Variants in FAM107B observed in about 807,000 individuals in gnomAD.
FAM107B encodes the protein family with sequence similarity 107 member B.
Under a neutral mutation model 31.5 loss-of-function variants are expected in FAM107B, and 21 were observed. The observed-to-expected ratio is 0.67, with a 90% CI of 0.47 to 0.96. FAM107B has a LOEUF of 0.96. Among genes scored for constraint, FAM107B ranks in the 40% least tolerant of loss-of-function variants. The pLI, the probability that FAM107B is intolerant of heterozygous loss-of-function variation, is 0.00. For synonymous variants in FAM107B, 157 were observed against 141.5 expected, an observed-to-expected ratio of 1.11 and a Z score of -0.78; for missense variants, 452 against 377.1, an observed-to-expected ratio of 1.20 and a Z score of -1.64.
At chr10:14,617,939 T>C (rs1232435673) in intron 2 of FAM107B, among the ~76,000 whole-genome samples, 1 of 152,182 alleles carries the variant, frequency 6.6e-6, no homozygotes, top group Non-Finnish European at 1.5e-5. Context: ...GTGAAATTTA[T>C]ATACAGTAAG....
intron 1 of FAM107B, among the ~76,000 whole-genome samples, chr10:14,749,819 T>A (rs1404641519): frequency 6.6e-6 from 1 of 152,182 alleles, no homozygotes; most frequent in East Asian, 1.9e-4. Flanking sequence ...AACCACATTA[T>A]GCCAACACAA....
intron 2 of FAM107B, among the ~76,000 whole-genome samples, chr10:14,626,520 T>TTC (rs1853168275): frequency 6.7e-6 from 1 of 149,924 alleles, no homozygotes; most frequent in Admixed American, 6.6e-5. Context: ...TTTTTTTTTT[T>TTC]TGAGACAGAG....
intron 2 of FAM107B, among the ~76,000 whole-genome samples, chr10:14,600,956 T>C (rs763566271): frequency 3.9e-5 from 6 of 152,042 alleles, no homozygotes; most frequent in African/African-American, 9.7e-5. Flanking sequence ...TTCGTAGAGA[T>C]GAGGGTCACT....
intron 1 of FAM107B, among the ~76,000 whole-genome samples, chr10:14,684,579 T>C (rs949764527): frequency 6.6e-6 from 1 of 152,100 alleles, no homozygotes; most frequent in Non-Finnish European, 1.5e-5. Context: ...GATTTCAACA[T>C]AGGAATTTCA....
chr10:14,770,416 G>A (rs1382764303), intron 1 of FAM107B, among the ~76,000 whole-genome samples: 1 of 152,064 alleles, frequency 6.6e-6, no homozygotes, highest in African/African-American at 2.4e-5. Flanking sequence ...CCAGCTACTT[G>A]GGATGCTGAG....
intron 1 of FAM107B, among the ~76,000 whole-genome samples, chr10:14,719,589 T>A (rs1486461126): frequency 6.6e-6 from 1 of 152,208 alleles, no homozygotes; most frequent in Non-Finnish European, 1.5e-5. Flanking sequence ...ACATTTCCCA[T>A]GCTCCCTTGC....
intron 1 of FAM107B, among the ~76,000 whole-genome samples, chr10:14,717,402 G>C (rs1443644883): frequency 3.9e-5 from 6 of 152,198 alleles, no homozygotes; most frequent in Non-Finnish European, 8.8e-5. Context: ...TGGGGAAAGA[G>C]AGAAGCCAGT....
At chr10:14,566,202 T>G (rs1850653740) in intron 2 of FAM107B, among the ~76,000 whole-genome samples, 2 of 152,096 alleles carry the variant, frequency 1.3e-5, no homozygotes, top group African/African-American at 4.8e-5. Flanking sequence ...CAGAATCTAA[T>G]GGATTGAGGA....
chr10:14,566,555 G>A (rs944361539), intron 2 of FAM107B, among the ~76,000 whole-genome samples: 1 of 152,214 alleles, frequency 6.6e-6, no homozygotes, highest in South Asian at 2.1e-4. Context: ...CCTGGTGAGA[G>A]CCTGAAGCAC....
intron 1 of FAM107B, among the ~76,000 whole-genome samples, chr10:14,746,226 C>A (rs1251571697): frequency 6.6e-6 from 1 of 152,212 alleles, no homozygotes; most frequent in Non-Finnish European, 1.5e-5. Context: ...ATCAGCACAC[C>A]AATGGGTTTT....
chr10:14,524,986 A>T (rs1383893019), intron 3 of FAM107B, among the ~76,000 whole-genome samples: 1 of 152,262 alleles, frequency 6.6e-6, no homozygotes, highest in African/African-American at 2.4e-5. Context: ...GTAACAAAAA[A>T]TTCAGGAAAA....
intron 2 of FAM107B, among the ~76,000 whole-genome samples, chr10:14,606,157 A>AT (rs985782628): frequency 6.6e-6 from 1 of 152,230 alleles, no homozygotes; most frequent in African/African-American, 2.4e-5. Flanking sequence ...AGAGTGCCGT[A>AT]TTTGCTAAGT....
intron 1 of FAM107B, among the ~76,000 whole-genome samples, chr10:14,761,030 A>AAAAAAAG (rs1564291926): frequency 2.0e-5 from 3 of 149,038 alleles, no homozygotes; most frequent in Non-Finnish European, 3.0e-5. Context: ...AAAAAAAAAA[A>AAAAAAAG]AAAAAAGAAA....
intron 1 of FAM107B, among the ~76,000 whole-genome samples, chr10:14,669,528 A>G (rs10906738): frequency 0.36 from 55,267 of 151,984 alleles, 10,223 homozygotes; most frequent in East Asian, 0.45. Context: ...ATAAATAAAG[A>G]AAATGTGGTA....
At chr10:14,730,216 A>T (rs1483079180) in intron 1 of FAM107B, among the ~76,000 whole-genome samples, 1 of 152,228 alleles carries the variant, frequency 6.6e-6, no homozygotes, top group Non-Finnish European at 1.5e-5. Context: ...AAATTTTAAA[A>T]ATATCTCTGA....
At chr10:14,645,434 GCAAGCC>G (rs1199310771) in intron 2 of FAM107B, among the ~76,000 whole-genome samples, 8 of 152,138 alleles carry the variant, frequency 5.3e-5, no homozygotes, top group African/African-American at 1.9e-4. Flanking sequence ...GTTCGTCTAA[GCAAGCC>G]TGAGAAAGAA....
At chr10:14,545,679 T>C (rs917988304) in intron 2 of FAM107B, among the ~76,000 whole-genome samples, 17 of 152,228 alleles carry the variant, frequency 1.1e-4, no homozygotes, top group African/African-American at 3.9e-4. Context: ...CTTCTTTTCC[T>C]TTTTTGGTTT....
At chr10:14,629,398 A>T (rs61842734) in intron 2 of FAM107B, among the ~76,000 whole-genome samples, 6 of 37,332 alleles carry the variant, frequency 1.6e-4, no homozygotes, top group South Asian at 7.3e-4. Context: ...TATAATATAT[A>T]TTATATATTT....
rs188077072 is a variant in FAM107B, at chr10:14,533,932, G to C, written c.470-3417C>G. Among the ~76,000 whole-genome samples the C allele has an allele frequency of 3.3e-3, 506 of 152,312 alleles. 2 individuals are homozygous for C. Among genetic ancestry groups the C allele is most frequent in the African/African-American group, 0.011 (445 of 41,554 alleles). ...GGGCACTGCGAGCCGGTGCAGGAGG[G>C]GGGGGCTGCGGTTGACTTTTCAGAC... On this transcript the variant is annotated intron_variant, in intron 2 of 4. Transcript: ENST00000181796.
Sources: allele counts gnomAD v4.1 joint callset (sites outside exome capture counted in the v4.1 genomes callset), GRCh38; gene constraint gnomAD v4.1.1; transcripts MANE v1.5; gene names NCBI Gene and HGNC (gene_info 2026-07-23, HGNC 2026-07-21).